CDYL: variants seen among roughly 807,000 people sequenced by gnomAD.
CDYL encodes the protein chromodomain Y-like protein.
Under a neutral mutation model 47.3 loss-of-function variants are expected in CDYL, and 8 were observed. The observed-to-expected ratio is 0.17, with a 90% CI of 0.10 to 0.31. The LOEUF (loss-of-function observed/expected upper bound fraction) is 0.31. CDYL is among the 10% of genes least tolerant of loss of function. The probability of loss-of-function intolerance (pLI) is 1.00; values close to 1 mark genes in which losing one functional copy is unlikely to be tolerated. For synonymous variants in CDYL, 266 were observed against 265.0 expected, an observed-to-expected ratio of 1.00 and a Z score of -0.04; for missense variants, 471 against 701.4, an observed-to-expected ratio of 0.67 and a Z score of 3.71.
intron 2 of CDYL, among the ~76,000 whole-genome samples, chr6:4,926,068 C>G (rs1757865141): frequency 6.6e-6 from 1 of 152,180 alleles, no homozygotes; most frequent in Non-Finnish European, 1.5e-5. Flanking sequence ...TAGAATTAGA[C>G]TAGCCTTTAA....
chr6:4,833,879 G>A (rs9504266), intron 1 of CDYL, among the ~76,000 whole-genome samples: 4,501 of 151,690 alleles, frequency 0.03, 228 homozygotes, highest in African/African-American at 0.1. Context: ...TGTTTTATCC[G>A]AGACTAGGAT....
chr6:4,783,424 T>TA (rs2127431335), intron 1 of CDYL, among the ~76,000 whole-genome samples: 1 of 151,770 alleles, frequency 6.6e-6, no homozygotes, highest in African/African-American at 2.4e-5. Flanking sequence ...AGACTTTTTT[T>TA]TTTTTTTTTG....
intron 1 of CDYL, among the ~76,000 whole-genome samples, chr6:4,821,370 C>T (rs765692947): frequency 6.8e-6 from 1 of 147,378 alleles, no homozygotes; most frequent in African/African-American, 2.5e-5. Flanking sequence ...CTCTACCTCC[C>T]GGGTTCAAGT....
intron 2 of CDYL, chr6:4,718,468 G>A (rs1267913176): frequency 6.6e-6 from 1 of 152,050 alleles, no homozygotes; most frequent in Admixed American, 6.6e-5. Flanking sequence ...AGTAGACACA[G>A]GGTTTCACCA....
intron 2 of CDYL, among the ~76,000 whole-genome samples, chr6:4,905,565 G>C (rs1321115879): frequency 6.6e-6 from 1 of 152,190 alleles, no homozygotes; most frequent in African/African-American, 2.4e-5. Flanking sequence ...GTTTGAAGTA[G>C]TGAAAGGGGA....
chr6:4,871,499 A>G (rs1375274207), intron 1 of CDYL, among the ~76,000 whole-genome samples: 2 of 152,214 alleles, frequency 1.3e-5, no homozygotes, highest in Non-Finnish European at 2.9e-5. Flanking sequence ...AAATATTGCT[A>G]TAATGGAAGA....
chr6:4,715,119 G>A lies in CDYL; in HGVS notation c.-38-622G>A, dbSNP rs563352939. ...CCACTCGCCACTCTGAAAATGCATC[G>A]TGCTTTCTCGTGCCTCTGTGCCTTG... On this transcript the variant is annotated intron_variant, in intron 1 of 8. Transcript: ENST00000328908. 1.1e-4 allele frequency among the ~76,000 whole-genome samples: 17 copies of A among 152,196 alleles called. No individual in the cohort carries two copies. The East Asian group carries it at 2.3e-3, about 21-fold the overall frequency.
At chr6:4,848,630 A>G (rs965976519) in intron 1 of CDYL, among the ~76,000 whole-genome samples, 7 of 152,258 alleles carry the variant, frequency 4.6e-5, no homozygotes, top group Admixed American at 6.5e-5. Context: ...TATTTTGGTC[A>G]GGAGAGGAAT....
intron 1 of CDYL, among the ~76,000 whole-genome samples, chr6:4,882,249 A>G (rs1030867746): frequency 6.6e-6 from 1 of 152,196 alleles, no homozygotes; most frequent in Non-Finnish European, 1.5e-5. Flanking sequence ...TTTCTCAAAG[A>G]GGAGGATGGG....
chr6:4,806,271 A>G (rs1355045632), intron 1 of CDYL, among the ~76,000 whole-genome samples: 2 of 152,170 alleles, frequency 1.3e-5, no homozygotes, highest in African/African-American at 4.8e-5. Flanking sequence ...ATCAAGCGTC[A>G]CCCAGGATTT....
At chr6:4,901,236 C>T (rs538199414) in intron 2 of CDYL, among the ~76,000 whole-genome samples, 64 of 152,146 alleles carry the variant, frequency 4.2e-4, no homozygotes, top group African/African-American at 1.5e-3. Flanking sequence ...TTAACTGATA[C>T]AAGGACAAAG....
intron 3 of CDYL, among the ~76,000 whole-genome samples, chr6:4,739,196 TAA>T (rs1436412192): frequency 6.9e-6 from 1 of 144,286 alleles, no homozygotes; most frequent in Non-Finnish European, 1.5e-5. Flanking sequence ...ATAATAAAAA[TAA>T]AATAAAATAA....
intron 2 of CDYL, among the ~76,000 whole-genome samples, chr6:4,893,081 G>A (rs73348340): frequency 1.7e-4 from 26 of 152,312 alleles, no homozygotes; most frequent in African/African-American, 5.5e-4. Flanking sequence ...ACACTGTGCC[G>A]GCCACAGTTT....
chr6:4,913,014 C>T (rs998967044), intron 2 of CDYL, among the ~76,000 whole-genome samples: 24 of 152,146 alleles, frequency 1.6e-4, no homozygotes, highest in African/African-American at 4.8e-4. Flanking sequence ...AGTGACTTGC[C>T]GGTGAGGTGG....
intron 1 of CDYL, among the ~76,000 whole-genome samples, chr6:4,786,720 C>A (rs1040570980): frequency 1.3e-5 from 2 of 152,028 alleles, no homozygotes; most frequent in South Asian, 2.1e-4. Context: ...TTTGTAGGGT[C>A]CCTGTTGGAA....
intron 2 of CDYL, among the ~76,000 whole-genome samples, chr6:4,915,280 AT>A (rs988445395): frequency 4.9e-4 from 75 of 152,162 alleles, no homozygotes; most frequent in African/African-American, 1.7e-3. Flanking sequence ...TCCAAAACAC[AT>A]TTTACCACTC....
At chr6:4,943,447 G>A (rs555710686) in intron 4 of CDYL, 99 bp from the exon 5 acceptor site, 22 of 840,336 alleles carry the variant, frequency 2.6e-5, no homozygotes, top group South Asian at 1.0e-4. Flanking sequence ...CAGGATTTCC[G>A]TAGCATTTAC....
At chr6:4,720,155 C>A (rs1757341701) in intron 2 of CDYL, among the ~76,000 whole-genome samples, 1 of 152,194 alleles carries the variant, frequency 6.6e-6, no homozygotes, top group Non-Finnish European at 1.5e-5. Context: ...CATGTCCTCA[C>A]ATTTCTCTGA....
chr6:4,727,561 T>G (rs1757537177), intron 2 of CDYL, among the ~76,000 whole-genome samples: 1 of 152,032 alleles, frequency 6.6e-6, no homozygotes, highest in Non-Finnish European at 1.5e-5. Context: ...CCTCCCTCTC[T>G]CTGTTCAGTC....
Sources: gnomAD v4.1 joint callset for allele counts (sites outside exome capture counted in the v4.1 genomes callset) on GRCh38, gnomAD v4.1.1 for gene constraint, MANE v1.5 for transcripts, NCBI Gene and HGNC (gene_info 2026-07-23, HGNC 2026-07-21) for gene names.